The following SDCCAG8 variants were observed in gnomAD, a reference collection of about 807,000 sequenced individuals.
The protein encoded by SDCCAG8 is SHH signaling and ciliogenesis regulator SDCCAG8.
SDCCAG8 carries 74 observed loss-of-function variants against 101.8 expected under a neutral mutation model. That is an observed-to-expected ratio of 0.73 (90% CI 0.60 to 0.88). SDCCAG8 has a LOEUF of 0.88. Ranked by LOEUF, SDCCAG8 falls within the 40% of genes least tolerant of loss-of-function variation. SDCCAG8 has a pLI of 0.00. For synonymous variants in SDCCAG8, 281 were observed against 292.9 expected (o/e 0.96, Z 0.41); for missense variants, 787 against 822.6 (o/e 0.96, Z 0.53).
chr1:243,293,104 A>G lies in SDCCAG8; in HGVS notation c.560A>G (p.Asn187Ser), dbSNP rs185077992. The change falls in exon 6 of 18, where the codon AAT becomes AGT. Residue 187 changes from asparagine to serine, a missense_variant. By Grantham distance (46) the Asn-to-Ser change is conservative. Coordinates refer to ENST00000366541, the MANE Select transcript of SDCCAG8 (RefSeq NM_006642.5). ...TLLDASGNMHNSWITTGEDSG... is the reference protein window; with the variant it reads ...TLLDASGNMHSSWITTGEDSG... The stretch of plus-strand genomic sequence containing the variant: ...ATTTTATTTTAGGGAAACATGCACA[A>G]TTCTTGGATTACAACAGGTGAAGAT... 3.5e-5 allele frequency: 57 copies of G among 1,614,128 alleles called. No homozygotes were observed. The highest frequency in any genetic ancestry group is 4.5e-5 in the Non-Finnish European group (53 of 1,179,990).
intron 12 of SDCCAG8, among the ~76,000 whole-genome samples, chr1:243,348,034 TTTC>T (rs2075826472): frequency 6.8e-6 from 1 of 146,582 alleles, no homozygotes; most frequent in Non-Finnish European, 1.5e-5. Context: ...TTTTTTTTTT[TTTC>T]TTTTTTTTTT....
intron 10 of SDCCAG8, among the ~76,000 whole-genome samples, chr1:243,337,979 G>C (rs2075126446): frequency 6.6e-6 from 1 of 152,042 alleles, no homozygotes; most frequent in Non-Finnish European, 1.5e-5. Context: ...GGAGTGCAGT[G>C]GTGTGATCAT....
intron 11 of SDCCAG8, among the ~76,000 whole-genome samples, chr1:243,342,698 T>G (rs1302427005): frequency 6.6e-6 from 1 of 152,208 alleles, no homozygotes; most frequent in Non-Finnish European, 1.5e-5. Flanking sequence ...CTCATTTTTT[T>G]CCTGTCACTC....
chr1:243,323,163 C>T (rs977643919), intron 9 of SDCCAG8, among the ~76,000 whole-genome samples: 1 of 151,202 alleles, frequency 6.6e-6, no homozygotes, highest in East Asian at 1.9e-4. Context: ...TTAATGAGTT[C>T]CACTGAAGAG....
intron 13 of SDCCAG8, among the ~76,000 whole-genome samples, chr1:243,388,748 C>T (rs1293901915): frequency 6.6e-6 from 1 of 151,692 alleles, no homozygotes; most frequent in East Asian, 1.9e-4. Flanking sequence ...GTTGTGCATG[C>T]CTGTAGTCCT....
chr1:243,462,454 C>G (rs1242325579), intron 16 of SDCCAG8, among the ~76,000 whole-genome samples: 1 of 152,240 alleles, frequency 6.6e-6, no homozygotes. Context: ...AGGTTTCCCT[C>G]CTAACACTGT....
At chr1:243,465,806 C>A (rs1660020645) in intron 16 of SDCCAG8, among the ~76,000 whole-genome samples, 1 of 152,166 alleles carries the variant, frequency 6.6e-6, no homozygotes, top group Non-Finnish European at 1.5e-5. Flanking sequence ...AGAAAGGCAG[C>A]ATTTCTTTTT....
rs2149331456 is a variant in SDCCAG8, at chr1:243,316,745, G to T, written c.930-10G>T. On this transcript the variant is annotated splice_polypyrimidine_tract_variant and intron_variant, in intron 8 of 17. Coordinates refer to ENST00000366541, the MANE Select transcript of SDCCAG8 (RefSeq NM_006642.5). ...ATTTCTTGTTTTGAATGTTCTTTTTGTGCTGACAGAGAAAGAGATGACTTG... is the reference window on the plus strand; with the variant it reads ...ATTTCTTGTTTTGAATGTTCTTTTTTTGCTGACAGAGAAAGAGATGACTTG... 6.2e-7 allele frequency: 1 copy of T among 1,613,934 alleles called. No individual in the cohort carries two copies. The highest frequency in any genetic ancestry group is 1.6e-4 in the Middle Eastern group (1 of 6,062).
Position 243,489,021 on chromosome 1 carries a change from C to A in SDCCAG8, c.1993C>A (p.Gln665Lys), listed in dbSNP as rs1665721400. Residue 665 changes from glutamine to lysine, a missense_variant, in exon 17 of 18, where the codon CAG (glutamine) becomes AAG (lysine). Physicochemically the swap from Gln to Lys is moderately conservative, Grantham distance 53. Transcript: ENST00000366541. ...CGGTGGATTTTTCTCCAGGCTAAGG[C>A]AGCTGGATAAGCACAGCCAGGCCAC... The part of the protein sequence containing the change: ...VHETMKQRLR[Q>K]LDKHSQATAQ... The A allele has an allele frequency of 2.5e-6, 4 of 1,613,314 alleles. No individual in the cohort carries two copies. The highest frequency in any genetic ancestry group is 3.4e-6 in the Non-Finnish European group (4 of 1,180,042).
At chr1:243,344,023 G>A (rs1485338401) in intron 11 of SDCCAG8, among the ~76,000 whole-genome samples, 192 bp from the exon 12 acceptor site, 1 of 152,146 alleles carries the variant, frequency 6.6e-6, no homozygotes, top group African/African-American at 2.4e-5. Context: ...CAAGTTGTTA[G>A]AATCAATAAT....
intron 1 of SDCCAG8, among the ~76,000 whole-genome samples, chr1:243,266,433 C>T (rs1439611914): frequency 6.6e-6 from 1 of 151,806 alleles, no homozygotes; most frequent in Non-Finnish European, 1.5e-5. Flanking sequence ...TCTGTTGCCT[C>T]AGCCTCCCCA....
chr1:243,379,543 AACATACACAC>A (rs2077811960), intron 13 of SDCCAG8, among the ~76,000 whole-genome samples: 1 of 152,126 alleles, frequency 6.6e-6, no homozygotes. Context: ...ATTGGAAAAA[AACATACACAC>A]ACATACACAC....
rs560304512 is a variant in SDCCAG8, at chr1:243,307,839, C to T, written c.741-150C>T. Reference sequence around the variant, plus strand: ...AATCACCACACCAAAGTTTCAGGGTCGTGGTAAAAATTAATAAGGTATTGG... The same window carrying T: ...AATCACCACACCAAAGTTTCAGGGTTGTGGTAAAAATTAATAAGGTATTGG... On this transcript the variant is annotated intron_variant, in intron 7 of 17. Transcript: ENST00000366541. The T allele has an allele frequency of 1.2e-5, 18 of 1,480,218 alleles. No homozygotes were observed. The South Asian group carries it at 2.1e-4, about 17-fold the overall frequency. The allele number at this position is 1,480,218 out of a possible 1,614,324, so 91.7% of individuals were successfully genotyped here.
chr1:243,447,881 G>A (rs1013335161), intron 16 of SDCCAG8, among the ~76,000 whole-genome samples: 1 of 152,180 alleles, frequency 6.6e-6, no homozygotes, highest in Non-Finnish European at 1.5e-5. Flanking sequence ...CCTGTGGGGT[G>A]GTTCTTGGAG....
chr1:243,499,859 C>T lies in SDCCAG8; in HGVS notation c.*74C>T. The T allele has an allele frequency of 2.1e-6, 3 of 1,402,798 alleles. No individual in the cohort carries two copies. Among genetic ancestry groups the T allele is most frequent in the South Asian group, 1.2e-5 (1 of 85,316 alleles). The allele number at this position is 1,402,798 out of a possible 1,614,324, so 86.9% of individuals were successfully genotyped here. On this transcript the variant is annotated 3_prime_UTR_variant, in exon 18 of 18. Transcript: ENST00000366541. ...TTCATCTGGTTTAGACTTAATATGC[C>T]ACAACGCACCACGACCTTCCCAGGG...
intron 13 of SDCCAG8, among the ~76,000 whole-genome samples, chr1:243,379,096 T>G (rs2077777632): frequency 6.6e-6 from 1 of 152,156 alleles, no homozygotes. Flanking sequence ...GCTCAAATAT[T>G]TAGGTGATTC....
intron 13 of SDCCAG8, among the ~76,000 whole-genome samples, chr1:243,409,636 A>G (rs1481510569): frequency 6.6e-6 from 1 of 152,202 alleles, no homozygotes; most frequent in Non-Finnish European, 1.5e-5. Context: ...ATAGAAAGCC[A>G]CGTGAACAAT....
intron 12 of SDCCAG8, among the ~76,000 whole-genome samples, chr1:243,368,461 A>T (rs1378155674): frequency 6.6e-6 from 1 of 152,206 alleles, no homozygotes; most frequent in African/African-American, 2.4e-5. Context: ...GCAGTAGAAT[A>T]GATGCCATAG....
At chr1:243,469,833 T>G (rs1227801959) in intron 16 of SDCCAG8, among the ~76,000 whole-genome samples, 1 of 149,258 alleles carries the variant, frequency 6.7e-6, no homozygotes, top group Non-Finnish European at 1.5e-5. Flanking sequence ...AGTGTTGGTT[T>G]TTTTTTTTTT....
Sources: gnomAD v4.1 joint callset for allele counts (sites outside exome capture counted in the v4.1 genomes callset) on GRCh38, gnomAD v4.1.1 for gene constraint, MANE v1.5 for transcripts, NCBI Gene and HGNC (gene_info 2026-07-23, HGNC 2026-07-21) for gene names.